Variants in ADCY7 observed in about 807,000 individuals in gnomAD.
ADCY7 encodes the protein adenylate cyclase 7, also known as adenylate cyclase type 7.
In ADCY7, 72 loss-of-function variants were observed where a neutral mutation model predicts 120.6. The ratio of observed to expected loss-of-function variants is 0.60; its 90% confidence interval spans 0.49 to 0.73. The LOEUF (loss-of-function observed/expected upper bound fraction) is 0.73. Among genes scored for constraint, ADCY7 ranks in the 30% least tolerant of loss-of-function variants. The probability of loss-of-function intolerance (pLI) is 0.00; values close to 1 mark genes in which losing one functional copy is unlikely to be tolerated. For missense variants in ADCY7, 1,227 were observed against 1,486.0 expected (o/e 0.83, Z 2.87); for synonymous variants, 661 against 628.0 (o/e 1.05, Z -0.78).
intron 1 of ADCY7, among the ~76,000 whole-genome samples, chr16:50,247,340 G>A (rs1009948067): frequency 6.6e-6 from 1 of 152,146 alleles, no homozygotes; most frequent in Non-Finnish European, 1.5e-5. Context: ...CCTGCATGGT[G>A]AGTTGGGTCC....
In ADCY7 at chr16:50,307,122, C is replaced by T. The variant is rs1408234983; in HGVS notation, c.1825C>T (p.Leu609Phe). ...CASLIFVCIL[L>F]VHVLLMPRTA... Reference sequence around the variant, plus strand: ...CAGCCTGATCTTCGTCTGCATCCTGCTCGTCCATGTCCTGCTCATGCCCAG... The same window carrying T: ...CAGCCTGATCTTCGTCTGCATCCTGTTCGTCCATGTCCTGCTCATGCCCAG... Residue 609 changes from leucine (L) to phenylalanine (F), a missense_variant, in exon 15 of 26, where the codon CTC (leucine) becomes TTC (phenylalanine). Physicochemically the swap from Leu to Phe is conservative, Grantham distance 22. Transcript: ENST00000673801. 6.2e-7 allele frequency: 1 copy of T among 1,612,016 alleles called. No homozygotes were observed.
At chr16:50,274,507 G>A (rs931086959) in intron 1 of ADCY7, among the ~76,000 whole-genome samples, 5 of 152,134 alleles carry the variant, frequency 3.3e-5, no homozygotes, top group African/African-American at 1.2e-4. Context: ...CTCTTGGCGC[G>A]GTTTCACGAG....
chr16:50,272,135 G>A (rs757138312), intron 1 of ADCY7, among the ~76,000 whole-genome samples: 2 of 151,826 alleles, frequency 1.3e-5, no homozygotes, highest in Non-Finnish European at 2.9e-5. Context: ...TGCTGGAGGT[G>A]ACAGGGCAGA....
upstream of ADCY7, among the ~76,000 whole-genome samples, chr16:50,262,099 C>T (rs908176661): frequency 6.6e-6 from 1 of 152,164 alleles, no homozygotes; most frequent in African/African-American, 2.4e-5. Context: ...TGACTGACAG[C>T]TTGACTGTCT....
chr16:50,306,700 AAG>A (rs1174208430), intron 14 of ADCY7, among the ~76,000 whole-genome samples: 11 of 152,286 alleles, frequency 7.2e-5, no homozygotes, highest in Admixed American at 7.2e-4. Context: ...GGACCTTGGA[AAG>A]AGAGAGACGG....
rs1180691950 is a variant in ADCY7 at position 50,315,171 on chromosome 16, G to T, written c.3096+33G>T. 1.9e-6 allele frequency: 3 copies of T among 1,612,020 alleles called. No homozygotes were observed. In the South Asian group the frequency reaches 3.3e-5, roughly 18 times the overall value. ...CCTATTGGGGAAGCAGTTGACTAAG[G>T]GGAAAAGATCTTCCCCAGAGGTGAG... On this transcript the variant is annotated intron_variant, in intron 25 of 25. Transcript: ENST00000673801.
At chr16:50,308,250 G>A in intron 15 of ADCY7, 77 bp from the exon 16 acceptor site, 1 of 1,613,070 alleles carries the variant, frequency 6.2e-7, no homozygotes, top group Non-Finnish European at 8.5e-7. Context: ...AGGTGGCTGT[G>A]AGCCAGAGGA....
chr16:50,285,654 G>A (rs1436530338), intron 1 of ADCY7, among the ~76,000 whole-genome samples: 1 of 152,180 alleles, frequency 6.6e-6, no homozygotes, highest in African/African-American at 2.4e-5. Flanking sequence ...CCCTGTCCTG[G>A]TTCCAATCTG....
chr16:50,314,081 T>G lies in ADCY7; in HGVS notation c.2856+19T>G, dbSNP rs763545979. ...GAACCAGGTACTCAAGCCCAAGAGGTGAAATTCAGCTGACTGTCCTCACTT... is the reference window on the plus strand; with the variant it reads ...GAACCAGGTACTCAAGCCCAAGAGGGGAAATTCAGCTGACTGTCCTCACTT... On this transcript the variant is annotated intron_variant, in intron 23 of 25. Coordinates refer to ENST00000673801, the MANE Select transcript of ADCY7 (RefSeq NM_001114.5). 2.5e-6 allele frequency: 4 copies of G among 1,608,726 alleles called. No homozygotes were observed. In the East Asian group the frequency reaches 6.7e-5, roughly 27 times the overall value.
At chr16:50,292,095 G>T (rs1473788829) in intron 4 of ADCY7, among the ~76,000 whole-genome samples, 198 bp downstream of exon 4, 1 of 152,194 alleles carries the variant, frequency 6.6e-6, no homozygotes, top group Admixed American at 6.5e-5. Context: ...CCTTTGCTTT[G>T]CTGGCCTAGG....
rs2035992551 is a variant in ADCY7, at chr16:50,305,420, C to T, written c.1596-83C>T. On this transcript the variant is annotated intron_variant, in intron 12 of 25. Coordinates refer to ENST00000673801, the MANE Select transcript of ADCY7 (RefSeq NM_001114.5). ...CATCCCACCTGAGGTTCTGGGACCC[C>T]ACTGGTGTCTACGTCCACACCCTCC... The T allele has an allele frequency of 4.5e-5, 55 of 1,230,518 alleles. 1 individual carries two copies. The South Asian group carries it at 5.9e-4, about 13-fold the overall frequency. 76.2% of individuals were successfully genotyped at this position (1,230,518 alleles called of 1,614,324 possible). A position where few individuals can be genotyped will look rare whatever the true frequency, so the allele number is the denominator to read the frequency against.
chr16:50,279,556 C>T (rs1351793796), intron 1 of ADCY7: 1 of 152,206 alleles, frequency 6.6e-6, no homozygotes, highest in Non-Finnish European at 1.5e-5. Flanking sequence ...TGCCTGAACA[C>T]CCGCTGTGTG....
chr16:50,249,379 G>T (rs2032684525), intron 1 of ADCY7, among the ~76,000 whole-genome samples: 1 of 152,166 alleles, frequency 6.6e-6, no homozygotes, highest in Admixed American at 6.5e-5. Flanking sequence ...GGCAGAAGTT[G>T]CAGTGAGCCG....
chr16:50,246,081 G>T (rs1027492809), upstream of ADCY7: 21 of 150,500 alleles, frequency 1.4e-4, no homozygotes, highest in African/African-American at 4.8e-4. Flanking sequence ...CCAGGCCTGG[G>T]ACACGCGGCC....
At chr16:50,272,114 G>T (rs1301826861) in intron 1 of ADCY7, among the ~76,000 whole-genome samples, 2 of 151,724 alleles carry the variant, frequency 1.3e-5, no homozygotes, top group African/African-American at 4.8e-5. Flanking sequence ...TCCTCCCAGG[G>T]TATCAGGACA....
Position 50,307,072 on chromosome 16 carries a change from G to T in ADCY7, c.1775G>T (p.Arg592Leu). The change falls in exon 15 of 26, where the codon CGG becomes CTG. Residue 592 changes from arginine (R) to leucine (L), a missense_variant. Physicochemically the swap from Arg to Leu is moderately radical, Grantham distance 102 (BLOSUM62 -2). Coordinates refer to ENST00000673801, the MANE Select transcript of ADCY7 (RefSeq NM_001114.5). ...CAGTACCGCCTGGCACCCATCCCCCGGGCCCGCCACGACTTTGCCTGCGCC... is the reference window on the plus strand; with the variant it reads ...CAGTACCGCCTGGCACCCATCCCCCTGGCCCGCCACGACTTTGCCTGCGCC... ...EREYRLAPIP[R>L]ARHDFACASL... 1.2e-6 allele frequency: 2 copies of T among 1,609,374 alleles called. No individual in the cohort carries two copies.
chr16:50,293,516 C>T lies in ADCY7; in HGVS notation c.836+14C>T, dbSNP rs370608575. 117 of 1,613,370 alleles carry T rather than the reference C, an allele frequency of 7.3e-5. No individual in the cohort carries two copies. The highest frequency in any genetic ancestry group is 1.6e-4 in the East Asian group (7 of 44,848). ...CCAGAATGTCAGGTGGGCGGTGAGA[C>T]GTGTGATTAGCATATCCCGGGGACT... On this transcript the variant is annotated intron_variant, in intron 6 of 25. Coordinates refer to ENST00000673801, the MANE Select transcript of ADCY7 (RefSeq NM_001114.5).
At chr16:50,308,544 C>G in intron 16 of ADCY7, 123 bp from the exon 17 acceptor site, 3 of 1,551,652 alleles carry the variant, frequency 1.9e-6, no homozygotes, top group South Asian at 2.4e-5. Flanking sequence ...TCTCCTGCCT[C>G]GGGGACAATT....
intron 24 of ADCY7, 167 bp from the exon 25 acceptor site, chr16:50,314,847 A>T: frequency 7.0e-6 from 6 of 856,392 alleles, no homozygotes; most frequent in Non-Finnish European, 1.1e-5. Flanking sequence ...CCCTCCTCAT[A>T]CCCCAAGCCC....
Sources: gnomAD v4.1 joint callset for allele counts (sites outside exome capture counted in the v4.1 genomes callset) on GRCh38, gnomAD v4.1.1 for gene constraint, MANE v1.5 for transcripts, NCBI Gene and HGNC (gene_info 2026-07-23, HGNC 2026-07-21) for gene names.